RAD51B: variants seen among roughly 807,000 people sequenced by gnomAD.
RAD51B encodes RAD51 paralog B, also known as DNA repair protein RAD51 homolog 2.
Under a neutral mutation model 42.2 loss-of-function variants are expected in RAD51B, and 38 were observed. The observed-to-expected ratio is 0.90, with a 90% CI of 0.70 to 1.18. The LOEUF is 1.18. Among genes scored for constraint, RAD51B ranks in the 50% most tolerant of loss-of-function variants. RAD51B has a pLI of 0.00. For synonymous variants in RAD51B, 154 were observed against 145.2 expected (o/e 1.06, Z -0.43); for missense variants, 373 against 400.7 (o/e 0.93, Z 0.59).
chr14:68,043,954 G>A (rs886096961), intron 7 of RAD51B, among the ~76,000 whole-genome samples: 7 of 152,168 alleles, frequency 4.6e-5, no homozygotes, highest in African/African-American at 1.7e-4. Context: ...TTACAAATGA[G>A]TACCAAACCA....
chr14:68,347,778 C>T (rs1188625536), intron 8 of RAD51B, among the ~76,000 whole-genome samples: 1 of 152,220 alleles, frequency 6.6e-6, no homozygotes, highest in Non-Finnish European at 1.5e-5. Flanking sequence ...AGCTGCTGGT[C>T]ACTTTTGATC....
chr14:68,444,382 G>C (rs749320811), intron 9 of RAD51B, among the ~76,000 whole-genome samples: 1 of 152,116 alleles, frequency 6.6e-6, no homozygotes, highest in African/African-American at 2.4e-5. Flanking sequence ...GTAGTCACTG[G>C]ATTAGGGGGC....
chr14:68,251,153 A>C (rs1325104992), intron 7 of RAD51B, among the ~76,000 whole-genome samples: 1 of 152,166 alleles, frequency 6.6e-6, no homozygotes, highest in East Asian at 1.9e-4. Context: ...TCCAGGGGAA[A>C]AAAAGAAGTG....
intron 8 of RAD51B, among the ~76,000 whole-genome samples, chr14:68,299,092 G>GA: frequency 6.6e-6 from 1 of 151,590 alleles, no homozygotes; most frequent in Non-Finnish European, 1.5e-5. Context: ...CCAGATAGAG[G>GA]AGGGCTGTTC....
At chr14:68,648,094 TA>T in intron 10 of RAD51B, among the ~76,000 whole-genome samples, 1 of 24,242 alleles carries the variant, frequency 4.1e-5, no homozygotes, top group African/African-American at 1.3e-4. Context: ...TACGTGTGTG[TA>T]TATATATATA....
chr14:68,100,265 T>C (rs2077265985), intron 7 of RAD51B, among the ~76,000 whole-genome samples: 1 of 152,198 alleles, frequency 6.6e-6, no homozygotes, highest in Non-Finnish European at 1.5e-5. Flanking sequence ...TTATAAGTCA[T>C]ATTGGATACT....
intron 10 of RAD51B, among the ~76,000 whole-genome samples, chr14:68,586,721 A>G (rs1040975743): frequency 2.0e-5 from 3 of 152,142 alleles, no homozygotes; most frequent in Non-Finnish European, 4.4e-5. Flanking sequence ...GGCTCCTTCC[A>G]TGGCCGGGTG....
chr14:67,901,771 G>T (rs776314859), intron 7 of RAD51B, among the ~76,000 whole-genome samples: 1 of 152,128 alleles, frequency 6.6e-6, no homozygotes, highest in Non-Finnish European at 1.5e-5. Flanking sequence ...CAGCAACATG[G>T]ATCAAACTGG....
chr14:68,664,330 G>A (rs1008777303), intron 11 of RAD51B, among the ~76,000 whole-genome samples: 1 of 152,040 alleles, frequency 6.6e-6, no homozygotes, highest in African/African-American at 2.4e-5. Flanking sequence ...AGAAAATGTG[G>A]CACCTTTTAA....
chr14:68,440,092 G>T (rs967203381), intron 9 of RAD51B, among the ~76,000 whole-genome samples: 4 of 152,214 alleles, frequency 2.6e-5, no homozygotes, highest in African/African-American at 9.7e-5. Context: ...TCTGTAAAGA[G>T]ACTCCTATAA....
intron 7 of RAD51B, among the ~76,000 whole-genome samples, chr14:68,213,141 T>C (rs1349642706): frequency 6.6e-6 from 1 of 152,190 alleles, no homozygotes; most frequent in South Asian, 2.1e-4. Flanking sequence ...ACAAGTGAGA[T>C]AGGATTTTTT....
chr14:68,050,428 A>G (rs1391646676), intron 7 of RAD51B, among the ~76,000 whole-genome samples: 1 of 152,196 alleles, frequency 6.6e-6, no homozygotes, highest in Non-Finnish European at 1.5e-5. Context: ...TTAGTCGACA[A>G]CAAAAAGATT....
At chr14:67,890,185 G>A (rs958051631) in intron 7 of RAD51B, among the ~76,000 whole-genome samples, 3 of 152,070 alleles carry the variant, frequency 2.0e-5, no homozygotes, top group African/African-American at 7.2e-5. Context: ...GTTATTATAC[G>A]TATTGTAAAT....
chr14:68,593,558 A>G (rs1307859201), intron 10 of RAD51B, among the ~76,000 whole-genome samples: 1 of 152,196 alleles, frequency 6.6e-6, no homozygotes, highest in Non-Finnish European at 1.5e-5. Context: ...GGGAATTCAC[A>G]TCATTAGTAT....
At chr14:68,404,009 G>C (rs940467423) in intron 8 of RAD51B, among the ~76,000 whole-genome samples, 19 of 152,156 alleles carry the variant, frequency 1.2e-4, no homozygotes, top group Admixed American at 9.8e-4. Flanking sequence ...TTACCTAAAA[G>C]AGTCTCTGAG....
chr14:68,112,786 A>G (rs1314829222), intron 7 of RAD51B, among the ~76,000 whole-genome samples: 1 of 152,160 alleles, frequency 6.6e-6, no homozygotes, highest in Admixed American at 6.6e-5. Flanking sequence ...TTTTTGAGCT[A>G]GTGCAATTAA....
chr14:68,447,148 G>T (rs539931101), intron 9 of RAD51B, among the ~76,000 whole-genome samples: 12 of 152,310 alleles, frequency 7.9e-5, no homozygotes, highest in African/African-American at 2.9e-4. Context: ...GACCCAGGAG[G>T]CAGAGGTTGT....
At chr14:67,929,009 G>A (rs1378351370) in intron 7 of RAD51B, among the ~76,000 whole-genome samples, 1 of 151,946 alleles carries the variant, frequency 6.6e-6, no homozygotes, top group African/African-American at 2.4e-5. Context: ...TTTTCGGTTA[G>A]TCAAGGTAGC....
rs375228374 is a variant in RAD51B at position 68,497,209 on chromosome 14, T to C, written c.1036+28959T>C. The stretch of plus-strand genomic sequence containing the variant: ...CCGCTTTTCTGCCACAGAAACAAAA[T>C]ATTGGGAAAGAGTCTTGTGGTGAAA... On this transcript the variant is annotated intron_variant, in intron 10 of 10. Transcript: ENST00000487270. The C allele has an allele frequency of 5.4e-5, 75 of 1,379,888 alleles. No individual in the cohort carries two copies. In the African/African-American group the frequency reaches 1.0e-3, roughly 19 times the overall value. The allele number at this position is 1,379,888 out of a possible 1,614,324, so 85.5% of individuals were successfully genotyped here. A position where few individuals can be genotyped will look rare whatever the true frequency, so the allele number is the denominator to read the frequency against.
Sources: allele counts gnomAD v4.1 joint callset (sites outside exome capture counted in the v4.1 genomes callset), GRCh38; gene constraint gnomAD v4.1.1; transcripts MANE v1.5; gene names NCBI Gene and HGNC (gene_info 2026-07-23, HGNC 2026-07-21).